SND1: variants seen among roughly 807,000 people sequenced by gnomAD.
The protein encoded by SND1 is staphylococcal nuclease and tudor domain containing 1.
Under a neutral mutation model 121.7 loss-of-function variants are expected in SND1, and 38 were observed. The observed-to-expected ratio is 0.31, with a 90% CI of 0.24 to 0.41. The LOEUF is 0.41. SND1 is among the 10% of genes least tolerant of loss of function. The pLI is 1.00. For synonymous variants in SND1, 401 were observed against 447.4 expected (o/e 0.90, Z 1.31); for missense variants, 868 against 1,184.6 (o/e 0.73, Z 3.92).
chr7:127,746,808 C>A lies in SND1; in HGVS notation c.1152+25408C>A, dbSNP rs538540989. ...CTTATGTGATGCCTAGTCTCTGGTC[C>A]CCTTCAGTCCATAGCACTGACTGGC... is the stretch of plus-strand genomic sequence containing the variant. On this transcript the variant is annotated intron_variant, in intron 10 of 23. Coordinates refer to ENST00000354725, the MANE Select transcript of SND1 (RefSeq NM_014390.4). Among the ~76,000 whole-genome samples, 14 of 152,158 alleles carry A rather than the reference C, an allele frequency of 9.2e-5. 1 individual carries two copies. In the South Asian group the frequency reaches 2.7e-3, roughly 29 times the overall value.
At chr7:128,016,212 G>A (rs139881857) in intron 16 of SND1, among the ~76,000 whole-genome samples, 69 of 148,908 alleles carry the variant, frequency 4.6e-4, no homozygotes, top group African/African-American at 1.6e-3. Flanking sequence ...CAAACTCTTG[G>A]ATTCAAGAGT....
intron 15 of SND1, among the ~76,000 whole-genome samples, chr7:127,935,307 A>G (rs1383654649): frequency 6.6e-6 from 1 of 152,228 alleles, no homozygotes; most frequent in African/African-American, 2.4e-5. Context: ...GCGCTTTTAG[A>G]ACTGTAATTC....
chr7:127,669,045 T>A (rs1180996542), intron 1 of SND1, among the ~76,000 whole-genome samples: 1 of 152,050 alleles, frequency 6.6e-6, no homozygotes, highest in Non-Finnish European at 1.5e-5. Context: ...CAGGCTGGAG[T>A]GCAGTGGCTT....
At chr7:127,815,804 G>T (rs528111848) in intron 11 of SND1, among the ~76,000 whole-genome samples, 35 of 152,272 alleles carry the variant, frequency 2.3e-4, no homozygotes, top group Non-Finnish European at 4.4e-4. Flanking sequence ...AATTTAGCTT[G>T]TATCTGGCCA....
chr7:127,796,267 A>G (rs1006480588), intron 10 of SND1, among the ~76,000 whole-genome samples: 3 of 152,116 alleles, frequency 2.0e-5, no homozygotes, highest in African/African-American at 4.8e-5. Context: ...TTTGCTAACA[A>G]TGGTATAAAG....
At chr7:127,705,019 G>T in intron 8 of SND1, 74 bp downstream of exon 8, 1 of 1,207,766 alleles carries the variant, frequency 8.3e-7, no homozygotes, top group South Asian at 1.3e-5. Flanking sequence ...CTGGTGATTT[G>T]CTCACACCCC....
chr7:127,883,663 A>C (rs1257956015), intron 12 of SND1, among the ~76,000 whole-genome samples: 1 of 152,166 alleles, frequency 6.6e-6, no homozygotes, highest in Non-Finnish European at 1.5e-5. Context: ...CTAATCCACA[A>C]ACCTACTCAA....
At chr7:127,817,400 C>G (rs1327158095) in intron 11 of SND1, among the ~76,000 whole-genome samples, 2 of 152,158 alleles carry the variant, frequency 1.3e-5, no homozygotes, top group Admixed American at 1.3e-4. Context: ...TCTTTCTCTG[C>G]TTATAGACTT....
intron 1 of SND1, among the ~76,000 whole-genome samples, chr7:127,666,097 T>C (rs890491985): frequency 4.6e-5 from 7 of 152,236 alleles, no homozygotes; most frequent in Admixed American, 3.3e-4. Context: ...CTTGTTAAGC[T>C]GTTCTCTTGT....
At chr7:127,721,427 CTT>C (rs758331550) in intron 10 of SND1, 27 bp downstream of exon 10, 1 of 1,373,388 alleles carries the variant, frequency 7.3e-7, no homozygotes, top group Admixed American at 1.7e-5. Flanking sequence ...AGCCGCGCCT[CTT>C]TGCATAAACC....
intron 12 of SND1, among the ~76,000 whole-genome samples, chr7:127,869,589 A>AG (rs1198884088): frequency 1.3e-5 from 2 of 152,176 alleles, no homozygotes; most frequent in Admixed American, 1.3e-4. Flanking sequence ...TGAAGTGGCA[A>AG]GGGTAGTAGA....
At position 127,701,337 on chromosome 7, in the gene SND1, G is replaced by T; in HGVS notation, c.589+14G>T. ...AGCCTGTTAATGGTGAGGCTGGTGGGAACAGACAGATACGACTCAGGGTGA... is the reference window on the plus strand; with the variant it reads ...AGCCTGTTAATGGTGAGGCTGGTGGTAACAGACAGATACGACTCAGGGTGA... On this transcript the variant is annotated intron_variant, in intron 5 of 23. Coordinates refer to ENST00000354725, the MANE Select transcript of SND1 (RefSeq NM_014390.4). 6 of 1,611,028 alleles carry T rather than the reference G, an allele frequency of 3.7e-6. No homozygotes were observed. The highest frequency in any genetic ancestry group is 5.1e-6 in the Non-Finnish European group (6 of 1,178,266).
intron 10 of SND1, among the ~76,000 whole-genome samples, chr7:127,797,628 A>G (rs1584580494): frequency 6.6e-6 from 1 of 152,230 alleles, no homozygotes; most frequent in African/African-American, 2.4e-5. Context: ...GCAGGGCCCC[A>G]GCATCTTTTT....
chr7:127,818,049 T>C (rs1285344559), intron 11 of SND1, among the ~76,000 whole-genome samples: 1 of 152,172 alleles, frequency 6.6e-6, no homozygotes, highest in Non-Finnish European at 1.5e-5. Flanking sequence ...GTCATATAGC[T>C]CTGAGCTGGG....
intron 1 of SND1, among the ~76,000 whole-genome samples, chr7:127,654,932 G>T (rs1361880658): frequency 6.6e-6 from 1 of 152,204 alleles, no homozygotes; most frequent in Admixed American, 6.5e-5. Flanking sequence ...TTCCTGTAGA[G>T]TAATAGTTTC....
intron 19 of SND1, 108 bp downstream of exon 19, chr7:128,084,955 G>T (rs1399176639): frequency 8.5e-7 from 1 of 1,183,078 alleles, no homozygotes; most frequent in African/African-American, 1.6e-5. Flanking sequence ...GCTGGTTAAT[G>T]ATGGCCCCTA....
At chr7:127,979,320 G>A (rs1038064334) in intron 15 of SND1, among the ~76,000 whole-genome samples, 11 of 152,202 alleles carry the variant, frequency 7.2e-5, no homozygotes, top group African/African-American at 2.4e-4. Flanking sequence ...AGAAGGGTGC[G>A]ACTCACGGAT....
At chr7:127,721,478 A>G (rs1333662033) in intron 10 of SND1, 78 bp downstream of exon 10, 6 of 714,808 alleles carry the variant, frequency 8.4e-6, no homozygotes, top group Non-Finnish European at 1.5e-5. Context: ...TATATGACAT[A>G]TATAATACAT....
intron 10 of SND1, among the ~76,000 whole-genome samples, chr7:127,770,417 A>G (rs1428510860): frequency 6.6e-6 from 1 of 152,262 alleles, no homozygotes; most frequent in African/African-American, 2.4e-5. Context: ...AACTGGTACT[A>G]AGGATAAATA....
Sources: allele counts gnomAD v4.1 joint callset (sites outside exome capture counted in the v4.1 genomes callset), GRCh38; gene constraint gnomAD v4.1.1; transcripts MANE v1.5; gene names NCBI Gene and HGNC (gene_info 2026-07-23, HGNC 2026-07-21).